The following SEPTIN1 variants were observed in gnomAD, a reference collection of about 807,000 sequenced individuals.
SEPTIN1 encodes septin-1.
Under a neutral mutation model 50.7 loss-of-function variants are expected in SEPTIN1, and 52 were observed. The ratio of observed to expected loss-of-function variants is 1.03; its 90% CI spans 0.82 to 1.29. The LOEUF (loss-of-function observed/expected upper bound fraction) is 1.29. Ranked by LOEUF, SEPTIN1 falls within the 50% of genes most tolerant of loss-of-function variation. The pLI is 0.00. For missense variants in SEPTIN1, 455 were observed against 490.7 expected (o/e 0.93, Z 0.69); for synonymous variants, 204 against 189.1 (o/e 1.08, Z -0.65).
chr16:30,381,122 C>T lies in SEPTIN1; in HGVS notation c.573+5G>A, dbSNP rs1185331948. 1 of 1,609,460 alleles carries T rather than the reference C, an allele frequency of 6.2e-7. No individual in the cohort carries two copies. The highest frequency in any genetic ancestry group is 1.7e-5 in the Admixed American group (1 of 60,008). ...GGGTCAAAGGTCAGAGGTCATCACT[C>T]ACACCTTCTGCTTGAGGGCCTGGGT... On this transcript the variant is annotated splice_donor_5th_base_variant and intron_variant, in intron 6 of 10. Coordinates refer to ENST00000321367, the MANE Select transcript of SEPTIN1 (RefSeq NM_001365977.2). The surrounding 1 kb of genome is among the most constrained non-coding windows in gnomAD (Gnocchi z 4.3).
rs747625480 is a variant in SEPTIN1, at chr16:30,379,512, A to C, written c.698T>G (p.Val233Gly). The change falls in exon 8 of 11, where the codon GTG becomes GGG. Residue 233 changes from valine to glycine, a missense_variant. Coordinates refer to ENST00000321367, the MANE Select transcript of SEPTIN1 (RefSeq NM_001365977.2). ...EMKESIPFAV[V>G]GSCEVVRDGG... ...ATCCCTCACCACCTCGCATGATCCC[A>C]CGACTGCAAAAGGGATGCTTTCCTG... 1 of 1,613,726 alleles carries C rather than the reference A, an allele frequency of 6.2e-7. No homozygotes were observed. Among genetic ancestry groups the C allele is most frequent in the East Asian group, 2.2e-5 (1 of 44,872 alleles).
intron 6 of SEPTIN1, chr16:30,380,241 G>T (rs1351546959): frequency 1.4e-5 from 5 of 366,856 alleles, no homozygotes; most frequent in Non-Finnish European, 2.5e-5. Flanking sequence ...TCTAAGATGG[G>T]GCAGACATTA....
upstream of SEPTIN1, chr16:30,382,722 C>T: frequency 1.3e-6 from 2 of 1,536,228 alleles, no homozygotes; most frequent in East Asian, 4.9e-5. The surrounding 1 kb of genome is among the most constrained non-coding windows in gnomAD (Gnocchi z 4.8). Context: ...TTGCCCATCA[C>T]CTGTCTACGT....
chr16:30,381,655 G>A lies in SEPTIN1; in HGVS notation c.320+105C>T, dbSNP rs909229020. The A allele has an allele frequency of 8.4e-6, 13 of 1,542,344 alleles. No individual in the cohort carries two copies. In the African/African-American group the frequency reaches 1.5e-4, roughly 18 times the overall value. ...AGGGACCCAGTGGCCCTCTGAAACA[G>A]ACACCACCTTTTGAGATAGGGAGCC... On this transcript the variant is annotated intron_variant, in intron 4 of 10. Coordinates refer to ENST00000321367, the MANE Select transcript of SEPTIN1 (RefSeq NM_001365977.2). The surrounding 1 kb of genome is among the most constrained non-coding windows in gnomAD (Gnocchi z 4.3).
rs1285121577 is a variant in SEPTIN1 at position 30,379,199 on chromosome 16, C to T, written c.776-16G>A. 1 of 1,613,034 alleles carries T rather than the reference C, an allele frequency of 6.2e-7. No individual in the cohort carries two copies. Among genetic ancestry groups the T allele is most frequent in the African/African-American group, 1.3e-5 (1 of 74,924 alleles). On this transcript the variant is annotated splice_polypyrimidine_tract_variant and intron_variant, in intron 8 of 10. Transcript: ENST00000321367. ...GGGTTCTCCACTGGAGGGGGGGCGG[C>T]GCGGACCAGCGAACGTCAGGGAGTT...
chr16:30,381,315 GC>G lies in SEPTIN1; in HGVS notation c.455+23del. 6.3e-7 allele frequency: 1 copy of G among 1,589,650 alleles called. No individual in the cohort carries two copies. The highest frequency in any genetic ancestry group is 8.6e-7 in the Non-Finnish European group (1 of 1,161,164). Reference sequence around the variant, plus strand: ...CCCCCAGCCCTCCCTAAATGCGCCAGCCCCCAGGATCCCCCCACCAGACCCC... The same window carrying G: ...CCCCCAGCCCTCCCTAAATGCGCCAGCCCCAGGATCCCCCCACCAGACCCC... On this transcript the variant is annotated intron_variant, in intron 5 of 10. Transcript: ENST00000321367. The surrounding 1 kb of genome is among the most constrained non-coding windows in gnomAD (Gnocchi z 4.3).
At chr16:30,379,723 C>G (rs2049816165) in intron 7 of SEPTIN1, 189 bp from the exon 8 acceptor site, 1 of 570,156 alleles carries the variant, frequency 1.8e-6, no homozygotes, top group South Asian at 2.1e-5. Context: ...TCTCCTGCCT[C>G]AGCCTCCCGA....
Position 30,379,146 on chromosome 16 carries a change from T to A in SEPTIN1, c.813A>T (p.Arg271=). ...GCAGGTGTGTCTGCACCAGCATCCG[T>A]CGCAGGTTCAGGAAATCGCAGTGAT... ...NPHHCDFLNL[R]RMLVQTHLQD... is the part of the protein sequence containing the mutation. The change falls in exon 9 of 11, where the codon CGA becomes CGT. Residue 271 remains arginine (R), a synonymous_variant. Coordinates refer to ENST00000321367, the MANE Select transcript of SEPTIN1 (RefSeq NM_001365977.2). 6.2e-7 allele frequency: 1 copy of A among 1,614,046 alleles called. No homozygotes were observed. The highest frequency in any genetic ancestry group is 8.5e-7 in the Non-Finnish European group (1 of 1,179,976).
At chr16:30,379,332 C>T (rs2049805632) in intron 8 of SEPTIN1, 103 bp downstream of exon 8, 1 of 1,405,444 alleles carries the variant, frequency 7.1e-7, no homozygotes, top group Admixed American at 1.8e-5. Context: ...CTCCTAGGAT[C>T]CCCTGGGACC....
Position 30,381,262 on chromosome 16 carries a change from T to C in SEPTIN1, c.456-18A>G, listed in dbSNP as rs751175211. The C allele has an allele frequency of 6.2e-7, 1 of 1,613,220 alleles. No homozygotes were observed. Among genetic ancestry groups the C allele is most frequent in the African/African-American group, 1.3e-5 (1 of 74,764 alleles). On this transcript the variant is annotated intron_variant, in intron 5 of 10. Transcript: ENST00000321367. The surrounding 1 kb of genome is among the most constrained non-coding windows in gnomAD (Gnocchi z 4.3). ...GCCGGAGCCTGCACCCAGGGATTGG[T>C]CATTGCCCAGCCTCAGGGGGCAGAG...
At position 30,379,068 on chromosome 16, in the gene SEPTIN1, G is replaced by C; in HGVS notation, c.891C>G (p.Arg297=). Residue 297 remains arginine, a synonymous_variant, in exon 9 of 11, where the codon CGC becomes CGG. Coordinates refer to ENST00000321367, the MANE Select transcript of SEPTIN1 (RefSeq NM_001365977.2). ...CAGGCCGGGCCAGGCTCTGTAGGCA[G>C]CGGGCCCGGTAGCCCTCGTAGAGCA... The part of the protein sequence containing the change: ...HDLLYEGYRA[R]CLQSLARPGA... 11 of 1,614,034 alleles carry C rather than the reference G, an allele frequency of 6.8e-6. No individual in the cohort carries two copies. Among genetic ancestry groups the C allele is most frequent in the Non-Finnish European group, 9.3e-6 (11 of 1,179,984 alleles).
rs760700966 is a variant in SEPTIN1 at position 30,382,122 on chromosome 16, T to C, written c.167A>G (p.Tyr56Cys). ...GGCCTCTGGCACCTGGCGATCCTCA[T>C]AGAGGTTGGTGAGGAAGAGGCTGTT... The part of the protein sequence containing the change: ...LINSLFLTNL[Y>C]EDRQVPEASA... Residue 56 changes from tyrosine (Y) to cysteine (C), a missense_variant, in exon 3 of 11, where the codon TAT (tyrosine) becomes TGT (cysteine). Physicochemically the swap from Tyr to Cys is radical, Grantham distance 194 (BLOSUM62 -2). Coordinates refer to ENST00000321367, the MANE Select transcript of SEPTIN1 (RefSeq NM_001365977.2). This position sits in a 1 kb window ranked among gnomAD's most constrained non-coding sequence, Gnocchi z 4.8. 1.9e-6 allele frequency: 3 copies of C among 1,587,376 alleles called. No individual in the cohort carries two copies. The highest frequency in any genetic ancestry group is 2.3e-5 in the South Asian group (2 of 88,354).
rs201174994 is a variant in SEPTIN1 at position 30,382,254 on chromosome 16, C to T, written c.109+21G>A. 6.2e-7 allele frequency: 1 copy of T among 1,613,108 alleles called. No individual in the cohort carries two copies. The highest frequency in any genetic ancestry group is 1.7e-5 in the Admixed American group (1 of 59,968). On this transcript the variant is annotated intron_variant, in intron 2 of 10. Coordinates refer to ENST00000321367, the MANE Select transcript of SEPTIN1 (RefSeq NM_001365977.2). This position sits in a 1 kb window ranked among gnomAD's most constrained non-coding sequence, Gnocchi z 4.8. The stretch of plus-strand genomic sequence containing the variant: ...TCCTAAGGACATCCCCTCCGCAGTT[C>T]CCTCTCCAAAACCCCCAGACCTGCC...
At chr16:30,379,831 T>G (rs957997176) in intron 7 of SEPTIN1, 101 bp downstream of exon 7, 2 of 715,076 alleles carry the variant, frequency 2.8e-6, no homozygotes, top group Non-Finnish European at 4.9e-6. Flanking sequence ...GGTCTGGAAC[T>G]CCTGACCTCA....
At position 30,381,838 on chromosome 16, in the gene SEPTIN1, A is replaced by G. The variant is rs201279120; in HGVS notation, c.242T>C (p.Ile81Thr). ...TLAIERRGVE[I>T]EEGGVKVKLT... The stretch of plus-strand genomic sequence containing the variant: ...CTTCACTTTCACACCCCCTTCCTCA[A>G]TCTCTACGCCCCGGCGCTCAATGGC... The change falls in exon 4 of 11, where the codon ATT (isoleucine) becomes ACT (threonine). Residue 81 changes from isoleucine (I) to threonine (T), a missense_variant. Transcript: ENST00000321367. The surrounding 1 kb of genome is among the most constrained non-coding windows in gnomAD (Gnocchi z 4.3). The G allele has an allele frequency of 2.6e-5, 42 of 1,613,816 alleles. No individual in the cohort carries two copies. The highest frequency in any genetic ancestry group is 3.3e-5 in the Non-Finnish European group (39 of 1,179,968).
At position 30,378,550 on chromosome 16, in the gene SEPTIN1, C is replaced by G. The variant is rs373429879; in HGVS notation, c.1033-30G>C. On this transcript the variant is annotated intron_variant, in intron 10 of 10. Coordinates refer to ENST00000321367, the MANE Select transcript of SEPTIN1 (RefSeq NM_001365977.2). ...GCAGGGCGAGATTGCAGGCGGTGAC[C>G]TGGCGAAGCCAGAGGGGGACCTGGG... 20 of 1,601,564 alleles carry G rather than the reference C, an allele frequency of 1.2e-5. No homozygotes were observed. In the African/African-American group the frequency reaches 2.3e-4, roughly 18 times the overall value.
rs1597000763 is a variant in SEPTIN1 at position 30,378,362 on chromosome 16, G to A, written c.*72C>T. 7 of 1,393,062 alleles carry A rather than the reference G, an allele frequency of 5.0e-6. No individual in the cohort carries two copies. The East Asian group carries it at 1.7e-4, about 35-fold the overall frequency. The allele number at this position is 1,393,062 out of a possible 1,614,324, so 86.3% of individuals were successfully genotyped here. A position where few individuals can be genotyped will look rare whatever the true frequency, so the allele number is the denominator to read the frequency against. ...CGGAGGTCCCGGGGGGCGCTGGGCA[G>A]TGTGGGGCGCGGGGATTGGACAAGA... On this transcript the variant is annotated 3_prime_UTR_variant, in exon 11 of 11. Coordinates refer to ENST00000321367, the MANE Select transcript of SEPTIN1 (RefSeq NM_001365977.2).
chr16:30,381,878 A>G lies in SEPTIN1; in HGVS notation c.202T>C (p.Leu68=), dbSNP rs771466781. Residue 68 remains leucine (L), a synonymous_variant, in exon 4 of 11, where the codon TTG becomes CTG. Transcript: ENST00000321367. This position sits in a 1 kb window ranked among gnomAD's most constrained non-coding sequence, Gnocchi z 4.3. ...CGCTCAATGGCCAGGGTCTGTGTCA[A>G]GCGAGCTGTGGGATGGGGGAGAGGT... is the stretch of plus-strand genomic sequence containing the variant. The part of the protein sequence containing the change: ...DRQVPEASAR[L]TQTLAIERRG... The G allele has an allele frequency of 1.2e-6, 2 of 1,614,150 alleles. No individual in the cohort carries two copies. The highest frequency in any genetic ancestry group is 1.7e-6 in the Non-Finnish European group (2 of 1,180,010).
Position 30,378,321 on chromosome 16 carries a change from G to T in SEPTIN1, c.*113C>A. The stretch of plus-strand genomic sequence containing the variant: ...CTGGGAGAACCTCCCCCTAGCCCGC[G>T]CGAGGGCGGCACCCGCGGAGGTCCC... On this transcript the variant is annotated 3_prime_UTR_variant, in exon 11 of 11. Transcript: ENST00000321367. 9.5e-7 allele frequency: 1 copy of T among 1,057,758 alleles called. No individual in the cohort carries two copies. Among genetic ancestry groups the T allele is most frequent in the Non-Finnish European group, 1.3e-6 (1 of 749,896 alleles). 65.5% of individuals were successfully genotyped at this position (1,057,758 alleles called of 1,614,324 possible). A position where few individuals can be genotyped will look rare whatever the true frequency, so the allele number is the denominator to read the frequency against.
Sources: gnomAD v4.1 joint callset for allele counts on GRCh38, gnomAD v4.1.1 for gene constraint, Gnocchi (gnomAD v3.1) non-coding constraint, MANE v1.5 for transcripts, NCBI Gene and HGNC (gene_info 2026-07-23, HGNC 2026-07-21) for gene names.